Variants in SLC25A26 observed in about 807,000 individuals in gnomAD.
SLC25A26 encodes mitochondrial S-adenosylmethionine carrier protein.
In SLC25A26, 36 loss-of-function variants were observed where a neutral mutation model predicts 37.8. The observed-to-expected ratio is 0.95, with a 90% CI of 0.73 to 1.26. SLC25A26 has a LOEUF of 1.26. Among genes scored for constraint, SLC25A26 ranks in the 50% most tolerant of loss-of-function variants. The pLI, the probability that SLC25A26 is intolerant of heterozygous loss-of-function variation, is 0.00. For synonymous variants in SLC25A26, 129 were observed against 122.5 expected, an observed-to-expected ratio of 1.05 and a Z score of -0.35; for missense variants, 390 against 331.1, an observed-to-expected ratio of 1.18 and a Z score of -1.38.
chr3:66,376,039 G>A (rs1280966472), intron 9 of SLC25A26, among the ~76,000 whole-genome samples: 1 of 148,984 alleles, frequency 6.7e-6, no homozygotes, highest in Non-Finnish European at 1.5e-5. Flanking sequence ...GCTGACTAGT[G>A]GAGGGAAACA....
intron 1 of SLC25A26, among the ~76,000 whole-genome samples, chr3:66,161,556 T>C (rs1479749324): frequency 2.0e-5 from 3 of 152,174 alleles, no homozygotes; most frequent in Middle Eastern, 3.2e-3. Context: ...ACTGCGTAGG[T>C]CTCATGAGGT....
intron 3 of SLC25A26, among the ~76,000 whole-genome samples, chr3:66,252,909 A>C (rs2107204446): frequency 6.6e-6 from 1 of 152,242 alleles, no homozygotes; most frequent in African/African-American, 2.4e-5. Context: ...GTATTTAAAA[A>C]ATGGCAGAAG....
rs1234003789 is a variant in SLC25A26 at position 66,332,361 on chromosome 3, C to T, written c.454-14003C>T. On this transcript the variant is annotated intron_variant, in intron 5 of 9. Coordinates refer to ENST00000354883, the MANE Select transcript of SLC25A26 (RefSeq NM_001379210.1). ...CCTTAGCAGATAATACTTTGCCGTA[C>T]ATCTGTTTTGTTTCAAGTATTCTTA... Among the ~76,000 whole-genome samples the T allele has an allele frequency of 2.0e-5, 3 of 152,142 alleles. No individual in the cohort carries two copies. The East Asian group carries it at 5.8e-4, about 29-fold the overall frequency.
At chr3:66,329,468 T>C (rs557595825) in intron 5 of SLC25A26, among the ~76,000 whole-genome samples, 23 of 152,252 alleles carry the variant, frequency 1.5e-4, no homozygotes, top group African/African-American at 5.3e-4. Flanking sequence ...ATGAAAAACA[T>C]TGTGATCAGT....
At chr3:66,250,524 C>A (rs1026924980) in intron 3 of SLC25A26, among the ~76,000 whole-genome samples, 3 of 152,232 alleles carry the variant, frequency 2.0e-5, no homozygotes, top group Non-Finnish European at 4.4e-5. Flanking sequence ...AAGATGCTCT[C>A]TGGCAATGGT....
At chr3:66,172,194 T>C (rs919156222) in intron 1 of SLC25A26, among the ~76,000 whole-genome samples, 6 of 152,014 alleles carry the variant, frequency 3.9e-5, no homozygotes, top group African/African-American at 1.4e-4. Context: ...GAGGATCACT[T>C]GAGCCCAGAA....
At chr3:66,365,240 C>T (rs2076799514) in intron 7 of SLC25A26, among the ~76,000 whole-genome samples, 1 of 152,174 alleles carries the variant, frequency 6.6e-6, no homozygotes, top group African/African-American at 2.4e-5. Context: ...ATTTCTCATC[C>T]CCATGTGCTT....
chr3:66,197,665 T>G (rs922898095), intron 1 of SLC25A26, among the ~76,000 whole-genome samples: 37 of 151,918 alleles, frequency 2.4e-4, no homozygotes, highest in African/African-American at 8.4e-4. Flanking sequence ...GAGTAGGAAT[T>G]AGGGGTCAGA....
chr3:66,190,572 G>A (rs1488836866), intron 1 of SLC25A26, among the ~76,000 whole-genome samples: 1 of 152,098 alleles, frequency 6.6e-6, no homozygotes, highest in Non-Finnish European at 1.5e-5. Flanking sequence ...GGGATTACAG[G>A]TGTGCACACC....
At chr3:66,293,217 A>T (rs948530133) in intron 5 of SLC25A26, 1 of 152,174 alleles carries the variant, frequency 6.6e-6, no homozygotes, top group Non-Finnish European at 1.5e-5. Context: ...GCTGGAGCCA[A>T]CGCGGAAAGC....
At chr3:66,298,706 A>T (rs2074981944) in intron 5 of SLC25A26, among the ~76,000 whole-genome samples, 1 of 152,186 alleles carries the variant, frequency 6.6e-6, no homozygotes, top group Non-Finnish European at 1.5e-5. Context: ...CACCAGTCAC[A>T]CTACTGATCT....
At chr3:66,336,446 C>T (rs1391634159) in intron 5 of SLC25A26, among the ~76,000 whole-genome samples, 1 of 152,104 alleles carries the variant, frequency 6.6e-6, no homozygotes, top group African/African-American at 2.4e-5. Context: ...AGAAAAAAAT[C>T]TTAAGGCAAC....
At chr3:66,372,846 C>G (rs1238273571) in intron 9 of SLC25A26, among the ~76,000 whole-genome samples, 2 of 152,170 alleles carry the variant, frequency 1.3e-5, no homozygotes, top group Admixed American at 1.3e-4. Flanking sequence ...CTGCTGCCAC[C>G]TCCTGTCTCC....
chr3:66,138,380 T>A (rs533306430), intron 1 of SLC25A26, among the ~76,000 whole-genome samples: 53 of 152,230 alleles, frequency 3.5e-4, no homozygotes, highest in Non-Finnish European at 5.7e-4. Flanking sequence ...ATTTGATAAA[T>A]TTCTCTTTTT....
At chr3:66,184,360 C>G (rs1201397148) in intron 1 of SLC25A26, among the ~76,000 whole-genome samples, 1 of 152,058 alleles carries the variant, frequency 6.6e-6, no homozygotes, top group Non-Finnish European at 1.5e-5. Context: ...GTGACTCAAT[C>G]CCGACCCTGA....
intron 1 of SLC25A26, among the ~76,000 whole-genome samples, chr3:66,157,570 T>C (rs2070300992): frequency 6.6e-6 from 1 of 152,248 alleles, no homozygotes; most frequent in Non-Finnish European, 1.5e-5. Flanking sequence ...AAGTCATGTG[T>C]AGAAGTGGAC....
At chr3:66,271,596 A>G (rs1267955925) in intron 5 of SLC25A26, among the ~76,000 whole-genome samples, 1 of 152,088 alleles carries the variant, frequency 6.6e-6, no homozygotes, top group African/African-American at 2.4e-5. Flanking sequence ...TGGGAAGTTG[A>G]GTATGTAGCT....
rs71105981 is a variant in SLC25A26 at position 66,319,744 on chromosome 3, C to CTTTTT, written c.454-26598_454-26594dup. Among the ~76,000 whole-genome samples, 28 of 92,092 alleles carry CTTTTT rather than the reference C, an allele frequency of 3.0e-4. 1 individual carries two copies. The highest frequency in any genetic ancestry group is 3.5e-4 in the East Asian group (1 of 2,864). The allele number at this position is 92,092 out of a possible 152,430, so 60.4% of individuals were successfully genotyped here. On this transcript the variant is annotated intron_variant, in intron 5 of 9. Coordinates refer to ENST00000354883, the MANE Select transcript of SLC25A26 (RefSeq NM_001379210.1). Reference sequence around the variant, plus strand: ...CAAAGTACTGTGACAGCAATTAAATCTTTTTTTTTTTTTTTTTTTTTTTTT... The same window carrying CTTTTT: ...CAAAGTACTGTGACAGCAATTAAATCTTTTTTTTTTTTTTTTTTTTTTTTTTTTTT...
intron 5 of SLC25A26, among the ~76,000 whole-genome samples, chr3:66,279,595 T>C (rs1559649342): frequency 6.6e-6 from 1 of 152,230 alleles, no homozygotes; most frequent in African/African-American, 2.4e-5. Context: ...AGACAGCCGA[T>C]GATAACCATT....
Sources: allele counts gnomAD v4.1 joint callset (sites outside exome capture counted in the v4.1 genomes callset), GRCh38; gene constraint gnomAD v4.1.1; transcripts MANE v1.5; gene names NCBI Gene and HGNC (gene_info 2026-07-23, HGNC 2026-07-21).